The following TCTN2 variants were observed in gnomAD, a reference collection of about 807,000 sequenced individuals.
TCTN2 encodes tectonic family member 2.
Under a neutral mutation model 83.4 loss-of-function variants are expected in TCTN2, and 66 were observed. The ratio of observed to expected loss-of-function variants is 0.79; its 90% CI spans 0.65 to 0.97. The LOEUF is 0.97. Among genes scored for constraint, TCTN2 ranks in the 50% least tolerant of loss-of-function variants. TCTN2 has a pLI of 0.00. For synonymous variants in TCTN2, 301 were observed against 326.7 expected (o/e 0.92, Z 0.85); for missense variants, 794 against 858.1 (o/e 0.93, Z 0.93).
intron 4 of TCTN2, 148 bp downstream of exon 4, chr12:123,673,958 A>C: frequency 2.6e-6 from 2 of 760,278 alleles, no homozygotes; most frequent in Non-Finnish European, 4.5e-6. Context: ...TGATCGCGCC[A>C]CTGCGTTCCA....
chr12:123,693,376 C>CTTTTTTTTTT (rs373196834), intron 9 of TCTN2, among the ~76,000 whole-genome samples: 15 of 92,924 alleles, frequency 1.6e-4, no homozygotes, highest in African/African-American at 2.7e-4. Flanking sequence ...GCTTTCTTTC[C>CTTTTTTTTTT]TTTTTTTTTT....
intron 5 of TCTN2, 118 bp from the exon 6 acceptor site, chr12:123,686,718 A>G: frequency 1.0e-6 from 1 of 962,408 alleles, no homozygotes; most frequent in Admixed American, 1.9e-5. Flanking sequence ...CACAGATTAT[A>G]GGTTTTCTTG....
chr12:123,704,881 T>TAC (rs1956212436), intron 15 of TCTN2, among the ~76,000 whole-genome samples, 193 bp downstream of exon 15: 1 of 152,204 alleles, frequency 6.6e-6, no homozygotes, highest in Non-Finnish European at 1.5e-5. Flanking sequence ...CACAAGTATT[T>TAC]ATAAAGCCAT....
intron 13 of TCTN2, among the ~76,000 whole-genome samples, chr12:123,697,492 G>A (rs367679625): frequency 6.6e-6 from 1 of 151,976 alleles, no homozygotes; most frequent in Non-Finnish European, 1.5e-5. Context: ...AACCTTTTTT[G>A]TTGTTGTTGT....
chr12:123,693,049 G>T (rs1363381867), intron 9 of TCTN2, among the ~76,000 whole-genome samples: 2 of 130,830 alleles, frequency 1.5e-5, no homozygotes, highest in East Asian at 2.1e-4. Context: ...TTTTTGAGGC[G>T]GAGTTTTGTT....
intron 14 of TCTN2, 22 bp downstream of exon 14, chr12:123,699,832 T>G: frequency 1.9e-6 from 3 of 1,580,882 alleles, no homozygotes; most frequent in Non-Finnish European, 2.6e-6. Flanking sequence ...CCGGGTACAA[T>G]AAAGCCTGTA....
chr12:123,673,794 G>C lies in TCTN2; in HGVS notation c.447G>C (p.Leu149=). 1 of 1,614,110 alleles carries C rather than the reference G, an allele frequency of 6.2e-7. No individual in the cohort carries two copies. Among genetic ancestry groups the C allele is most frequent in the East Asian group, 2.2e-5 (1 of 44,882 alleles). The change falls in exon 4 of 18, where the codon CTG becomes CTC. Residue 149 remains leucine, a synonymous_variant. Coordinates refer to ENST00000303372, the MANE Select transcript of TCTN2 (RefSeq NM_024809.5). The part of the protein sequence containing the change: ...IQVEIYANSS[L]THNASENVTV... The stretch of plus-strand genomic sequence containing the variant: ...TGGAAATTTATGCCAACTCTTCTCT[G>C]ACCCATAATGCCTCAGGCAAGTGAA...
chr12:123,702,421 G>A (rs1297750263), intron 14 of TCTN2, among the ~76,000 whole-genome samples: 2 of 151,434 alleles, frequency 1.3e-5, no homozygotes, highest in East Asian at 1.9e-4. Context: ...TGTGATTGGG[G>A]TCATGGTGAT....
chr12:123,697,224 C>T lies in TCTN2; in HGVS notation c.1505+26C>T, dbSNP rs555274229. On this transcript the variant is annotated intron_variant, in intron 13 of 17. Coordinates refer to ENST00000303372, the MANE Select transcript of TCTN2 (RefSeq NM_024809.5). ...GTGAGTGTTTCATTGATGAATATATCGGCAATGTGAATGGTTTGCCTAGAA... is the reference window on the plus strand; with the variant it reads ...GTGAGTGTTTCATTGATGAATATATTGGCAATGTGAATGGTTTGCCTAGAA... 1.3e-5 allele frequency: 20 copies of T among 1,500,750 alleles called. 1 individual carries two copies. In the East Asian group the frequency reaches 1.4e-4, roughly 10 times the overall value. 93.0% of individuals were successfully genotyped at this position (1,500,750 alleles called of 1,614,324 possible).
chr12:123,683,381 G>A (rs908568114), intron 5 of TCTN2, among the ~76,000 whole-genome samples: 3 of 150,700 alleles, frequency 2.0e-5, no homozygotes, highest in Admixed American at 6.6e-5. Context: ...CCTGGCTTCA[G>A]CATTCCTCCC....
chr12:123,697,485 C>A (rs1317198875), intron 13 of TCTN2, among the ~76,000 whole-genome samples: 2 of 151,494 alleles, frequency 1.3e-5, no homozygotes, highest in African/African-American at 2.4e-5. Flanking sequence ...TCATTGGAAC[C>A]TTTTTTGTTG....
chr12:123,686,022 C>T (rs1175136305), intron 5 of TCTN2, among the ~76,000 whole-genome samples: 2 of 151,726 alleles, frequency 1.3e-5, no homozygotes, highest in East Asian at 3.9e-4. Context: ...TGATGCACTG[C>T]GTGCAGTCCA....
chr12:123,697,676 AT>A (rs1431124453), intron 13 of TCTN2, among the ~76,000 whole-genome samples: 1 of 150,524 alleles, frequency 6.6e-6, no homozygotes, highest in South Asian at 2.1e-4. Flanking sequence ...TTTTTTTTGT[AT>A]TTTTAGTAGA....
chr12:123,706,956 T>C (rs958299064), intron 16 of TCTN2, 29 bp from the exon 17 acceptor site: 2 of 1,613,608 alleles, frequency 1.2e-6, no homozygotes, highest in South Asian at 2.2e-5. Context: ...TCACTTGTAG[T>C]TTTTGTAACC....
At position 123,671,492 on chromosome 12, in the gene TCTN2, T is replaced by C; in HGVS notation, c.83-15T>C. ...CACTGCTAACCCCTCCTTGTCCCCT[T>C]TCCTTCCCGCCTAGCTTTCATCCCT... On this transcript the variant is annotated splice_polypyrimidine_tract_variant and intron_variant, in intron 1 of 17. Coordinates refer to ENST00000303372, the MANE Select transcript of TCTN2 (RefSeq NM_024809.5). 1 of 1,613,592 alleles carries C rather than the reference T, an allele frequency of 6.2e-7. No individual in the cohort carries two copies. Among genetic ancestry groups the C allele is most frequent in the Non-Finnish European group, 8.5e-7 (1 of 1,179,520 alleles).
chr12:123,675,821 A>C (rs1371504766), intron 4 of TCTN2, among the ~76,000 whole-genome samples: 1 of 152,154 alleles, frequency 6.6e-6, no homozygotes, highest in Non-Finnish European at 1.5e-5. Flanking sequence ...TTTTGGAACC[A>C]TGCAAATGTG....
chr12:123,694,146 C>G (rs929393057), intron 9 of TCTN2, among the ~76,000 whole-genome samples: 13 of 151,866 alleles, frequency 8.6e-5, no homozygotes, highest in African/African-American at 3.1e-4. Flanking sequence ...GGTGCCTGCC[C>G]CCATGCCTGG....
intron 14 of TCTN2, among the ~76,000 whole-genome samples, chr12:123,702,987 A>G (rs1409042791): frequency 6.6e-6 from 1 of 152,178 alleles, no homozygotes; most frequent in Non-Finnish European, 1.5e-5. Context: ...GAGGAGCCAT[A>G]GAACCTACCC....
chr12:123,671,183 C>T lies in TCTN2; in HGVS notation c.-58C>T, dbSNP rs1453100215. 7.2e-6 allele frequency: 11 copies of T among 1,526,572 alleles called. No homozygotes were observed. Among genetic ancestry groups the T allele is most frequent in the African/African-American group, 2.7e-5 (2 of 73,030 alleles). 94.6% of individuals were successfully genotyped at this position (1,526,572 alleles called of 1,614,324 possible). ...GCTGCTGCGTTTTCGTGTCTGAGTC[C>T]TTCCTGGGTTCTAATGAGGGCGCGG... On this transcript the variant is annotated 5_prime_UTR_variant, in exon 1 of 18. Coordinates refer to ENST00000303372, the MANE Select transcript of TCTN2 (RefSeq NM_024809.5).
Sources: allele counts gnomAD v4.1 joint callset (sites outside exome capture counted in the v4.1 genomes callset), GRCh38; gene constraint gnomAD v4.1.1; transcripts MANE v1.5; gene names NCBI Gene and HGNC (gene_info 2026-07-23, HGNC 2026-07-21).